CCP110: variants seen among roughly 807,000 people sequenced by gnomAD.
CCP110 encodes the protein centriolar coiled-coil protein 110, also known as centriolar coiled-coil protein of 110 kDa.
CCP110 carries 43 observed loss-of-function variants against 105.5 expected under a neutral mutation model. The observed-to-expected ratio is 0.41, with a 90% CI of 0.32 to 0.53. CCP110 has a LOEUF of 0.53. Among genes scored for constraint, CCP110 ranks in the 20% least tolerant of loss-of-function variants. CCP110 has a pLI of 0.32. For missense variants in CCP110, 1,016 were observed against 1,189.1 expected, an observed-to-expected ratio of 0.85 and a Z score of 2.14; for synonymous variants, 353 against 392.1, an observed-to-expected ratio of 0.90 and a Z score of 1.18.
intron 4 of CCP110, 33 bp downstream of exon 4, chr16:19,537,620 A>G: frequency 2.5e-6 from 3 of 1,192,276 alleles, no homozygotes. Flanking sequence ...GATACCTTCT[A>G]TGCAGATACC....
At chr16:19,533,974 G>T (rs1324228624) in intron 3 of CCP110, among the ~76,000 whole-genome samples, 2 of 152,120 alleles carry the variant, frequency 1.3e-5, no homozygotes, top group East Asian at 3.9e-4. Flanking sequence ...AGAATCTGAT[G>T]AAAAAGTCAA....
At chr16:19,531,519 AAG>A (rs1210631301) in intron 2 of CCP110, among the ~76,000 whole-genome samples, 2 of 152,230 alleles carry the variant, frequency 1.3e-5, no homozygotes, top group Non-Finnish European at 2.9e-5. Context: ...AGTGAGGTGA[AAG>A]AAAAGATGTA....
chr16:19,541,806 C>CAAAA (rs1374103691), intron 5 of CCP110, 81 bp from the exon 6 acceptor site: 4 of 704,870 alleles, frequency 5.7e-6, no homozygotes, highest in Non-Finnish European at 6.6e-6. Flanking sequence ...ATTACATGTA[C>CAAAA]TTTTGGCTAA....
chr16:19,551,116 CCA>C, intron 14 of CCP110, 78 bp from the exon 14 acceptor site: 1 of 833,794 alleles, frequency 1.2e-6, no homozygotes, highest in Non-Finnish European at 2.1e-6. Flanking sequence ...AGTGTTTGTT[CCA>C]GAGTAAAAAC....
chr16:19,524,385 C>T (rs1969595380), intron 1 of CCP110, among the ~76,000 whole-genome samples: 1 of 152,048 alleles, frequency 6.6e-6, no homozygotes, highest in Non-Finnish European at 1.5e-5. Context: ...GGGGGCCGTC[C>T]CTGGTGAATA....
rs142107646 is a variant in CCP110 at position 19,534,659 on chromosome 16, G to A, written c.271-1281G>A. Among the ~76,000 whole-genome samples, 10 of 151,340 alleles carry A rather than the reference G, an allele frequency of 6.6e-5. No individual in the cohort carries two copies. In the East Asian group the frequency reaches 1.9e-3, roughly 29 times the overall value. On this transcript the variant is annotated intron_variant, in intron 3 of 14. Coordinates refer to ENST00000381396, the Ensembl canonical transcript of CCP110. ...TAAGTATGTCTTGTACTCTTGTACT[G>A]TTGATTGCATAGTACCTGGAAACCT...
At chr16:19,553,237 G>C (rs1023831014) in exon 15 of CCP110, 1 of 152,070 alleles carries the variant, frequency 6.6e-6, no homozygotes, top group Non-Finnish European at 1.5e-5. Context: ...TCTCATACAG[G>C]TGCCAGACAC....
intron 14 of CCP110, among the ~76,000 whole-genome samples, chr16:19,550,030 A>C (rs1567368633): frequency 6.6e-6 from 1 of 152,252 alleles, no homozygotes; most frequent in African/African-American, 2.4e-5. Context: ...ATTAATACAA[A>C]TGAACTTAAC....
At chr16:19,541,407 T>C (rs920333383) in intron 5 of CCP110, among the ~76,000 whole-genome samples, 80 of 152,250 alleles carry the variant, frequency 5.3e-4, no homozygotes, top group Middle Eastern at 6.8e-3. Context: ...CCGAGGTGGA[T>C]GGATCACCTG....
intron 4 of CCP110, among the ~76,000 whole-genome samples, chr16:19,539,227 C>A (rs1178486658): frequency 6.6e-6 from 1 of 151,974 alleles, no homozygotes; most frequent in Non-Finnish European, 1.5e-5. Context: ...CCTTCATTAC[C>A]CCTTACTTTG....
chr16:19,530,475 G>C (rs1162677117), intron 2 of CCP110, among the ~76,000 whole-genome samples: 10 of 146,714 alleles, frequency 6.8e-5, no homozygotes, highest in Non-Finnish European at 1.5e-4. Context: ...ACGAAACCCC[G>C]TCTCTACTAA....
At position 19,542,007 on chromosome 16, in the gene CCP110, C is replaced by T. The variant is rs574282172; in HGVS notation, c.2170C>T (p.Leu724=). 4.3e-4 allele frequency: 699 copies of T among 1,611,808 alleles called. 13 individuals are homozygous for T. The South Asian group carries it at 7.4e-3, about 17-fold the overall frequency. ...GAGAAAAATAAGTGACTCTAGTTTG[C>T]TGGAAACAATGCTGTCTCAAGCGGA... Residue 724 remains leucine (L), a synonymous_variant, in exon 6 of 15, where the codon CTG becomes TTG. Coordinates refer to ENST00000381396, the Ensembl canonical transcript of CCP110.
At chr16:19,527,795 C>A in intron 1 of CCP110, 72 bp from the exon 2 acceptor site, 2 of 1,298,218 alleles carry the variant, frequency 1.5e-6, no homozygotes, top group East Asian at 2.5e-5. Context: ...CTCTCATGCT[C>A]TACAAAATCT....
At chr16:19,537,534 C>A (rs748200292) in exon 4 of CCP110, 1 of 1,594,288 alleles carries the variant, frequency 6.3e-7, no homozygotes, top group South Asian at 1.2e-5. Flanking sequence ...AAAAGATACC[C>A]TAAGGGATCT....
intron 3 of CCP110, 42 bp from the exon 4 acceptor site, chr16:19,535,898 T>G (rs1970034112): frequency 8.5e-6 from 11 of 1,288,238 alleles, no homozygotes; most frequent in Non-Finnish European, 1.2e-5. Context: ...AGAGACTTTT[T>G]GTGCAATGAG....
rs1209735229 is a variant in CCP110, at chr16:19,548,087, G to A, written c.2900+73G>A. 3 of 1,045,160 alleles carry A rather than the reference G, an allele frequency of 2.9e-6. No individual in the cohort carries two copies. Among genetic ancestry groups the A allele is most frequent in the East Asian group, 4.7e-5 (2 of 42,240 alleles). The allele number at this position is 1,045,160 out of a possible 1,614,324, so 64.7% of individuals were successfully genotyped here. Reference sequence around the variant, plus strand: ...GATTTGAGAGGGAAAAATAAATCTAGTGTTCTTTATGTAAAGGATAATGGT... The same window carrying A: ...GATTTGAGAGGGAAAAATAAATCTAATGTTCTTTATGTAAAGGATAATGGT... On this transcript the variant is annotated intron_variant, in intron 13 of 14. Coordinates refer to ENST00000381396, the Ensembl canonical transcript of CCP110. This position sits in a 1 kb window ranked among gnomAD's most constrained non-coding sequence, Gnocchi z 4.1.
intron 12 of CCP110, chr16:19,547,650 T>G (rs139786695): frequency 5.7e-4 from 128 of 223,066 alleles, no homozygotes; most frequent in Middle Eastern, 3.3e-3. Context: ...CTCACTGGTT[T>G]GAAGGGAAAA....
chr16:19,531,837 G>A (rs1405706633), intron 2 of CCP110, among the ~76,000 whole-genome samples: 7 of 152,020 alleles, frequency 4.6e-5, no homozygotes, highest in Admixed American at 3.3e-4. Context: ...GTGGTGGCAC[G>A]CGCCTGTAAG....
exon 11 of CCP110, chr16:19,545,861 G>C (rs1970440524): frequency 6.2e-7 from 1 of 1,606,884 alleles, no homozygotes; most frequent in Non-Finnish European, 8.5e-7. Context: ...CTGCAACACA[G>C]AAGTCTCTTG....
Sources: allele counts gnomAD v4.1 joint callset (sites outside exome capture counted in the v4.1 genomes callset), GRCh38; gene constraint gnomAD v4.1.1; non-coding constraint Gnocchi (gnomAD v3.1); transcripts MANE v1.5; gene names NCBI Gene and HGNC (gene_info 2026-07-23, HGNC 2026-07-21).